TRERF1: variants seen among roughly 807,000 people sequenced by gnomAD.
The protein encoded by TRERF1 is transcriptional regulating factor 1, also known as transcriptional-regulating factor 1.
Under a neutral mutation model 122.9 loss-of-function variants are expected in TRERF1, and 27 were observed. That is an observed-to-expected ratio of 0.22 (90% CI 0.16 to 0.30). The LOEUF is 0.30. Ranked by LOEUF, TRERF1 falls within the 10% of genes least tolerant of loss-of-function variation. TRERF1 has a pLI of 1.00. For synonymous variants in TRERF1, 636 were observed against 641.7 expected, an observed-to-expected ratio of 0.99 and a Z score of 0.13; for missense variants, 1,248 against 1,560.3, an observed-to-expected ratio of 0.80 and a Z score of 3.37.
At chr6:42,313,577 G>T (rs1490931302) in intron 3 of TRERF1, among the ~76,000 whole-genome samples, 1 of 152,144 alleles carries the variant, frequency 6.6e-6, no homozygotes, top group Non-Finnish European at 1.5e-5. Context: ...ATGCAAACGT[G>T]CTCAAGTTGT....
In TRERF1 at chr6:42,275,750, T is replaced by C. The variant is rs1364432180; in HGVS notation, c.-258-5902A>G. On this transcript the variant is annotated intron_variant, in intron 4 of 17. Transcript: ENST00000372922. This position sits in a 1 kb window ranked among gnomAD's most constrained non-coding sequence, Gnocchi z 4.1. The stretch of plus-strand genomic sequence containing the variant: ...GCCCTAAAGCACCAAATTTATGGAG[T>C]GCTGTAGATAATAACAAGGCTCTAC... Among the ~76,000 whole-genome samples, 1 of 152,078 alleles carries C rather than the reference T, an allele frequency of 6.6e-6. No homozygotes were observed. Among genetic ancestry groups the C allele is most frequent in the East Asian group, 1.9e-4 (1 of 5,180 alleles).
At chr6:42,408,210 A>ATATATAT (rs1780474103) in intron 2 of TRERF1, among the ~76,000 whole-genome samples, 2 of 107,142 alleles carry the variant, frequency 1.9e-5, no homozygotes, top group Non-Finnish European at 3.7e-5. Context: ...TATATAAATA[A>ATATATAT]ATATATATAT....
intron 2 of TRERF1, among the ~76,000 whole-genome samples, chr6:42,396,180 T>G (rs1000261518): frequency 1.3e-5 from 2 of 152,150 alleles, no homozygotes; most frequent in Non-Finnish European, 2.9e-5. Context: ...AAAGGAGATG[T>G]AGAGGAAACT....
chr6:42,356,718 G>A (rs1770624139), intron 3 of TRERF1, among the ~76,000 whole-genome samples: 1 of 152,080 alleles, frequency 6.6e-6, no homozygotes, highest in African/African-American at 2.4e-5. Flanking sequence ...GGGATTACAG[G>A]TGCCTGCCAC....
At chr6:42,342,283 G>A (rs1022342390) in intron 3 of TRERF1, among the ~76,000 whole-genome samples, 4 of 152,162 alleles carry the variant, frequency 2.6e-5, no homozygotes, top group Admixed American at 1.3e-4. Flanking sequence ...CATGTCCCAG[G>A]AACTCCCTCA....
Position 42,263,646 on chromosome 6 carries a change from G to T in TRERF1, c.1636-78C>A. On this transcript the variant is annotated intron_variant, in intron 7 of 17. Coordinates refer to ENST00000372922, the Ensembl canonical transcript of TRERF1. This position sits in a 1 kb window ranked among gnomAD's most constrained non-coding sequence, Gnocchi z 5.6. ...GGGATGCACTTTGCTTTTCCCGAAA[G>T]GTTCCAGGACATCAGGTATGGGTGA... is the stretch of plus-strand genomic sequence containing the variant. 1 of 1,403,664 alleles carries T rather than the reference G, an allele frequency of 7.1e-7. No individual in the cohort carries two copies. Among genetic ancestry groups the T allele is most frequent in the South Asian group, 1.9e-5 (1 of 52,578 alleles). 87.0% of individuals were successfully genotyped at this position (1,403,664 alleles called of 1,614,324 possible). A position where few individuals can be genotyped will look rare whatever the true frequency, so the allele number is the denominator to read the frequency against.
intron 4 of TRERF1, among the ~76,000 whole-genome samples, chr6:42,296,273 G>C (rs1335922560): frequency 6.6e-6 from 1 of 152,164 alleles, no homozygotes; most frequent in East Asian, 1.9e-4. Flanking sequence ...AAACACCCCA[G>C]TTCAAAGAAC....
In TRERF1 at chr6:42,259,846, C is replaced by T; in HGVS notation, c.1885-123G>A. On this transcript the variant is annotated intron_variant, in intron 8 of 17. Transcript: ENST00000372922. The surrounding 1 kb of genome is among the most constrained non-coding windows in gnomAD (Gnocchi z 4.9). ...GAGCCCTTCTGCTTGACCCCCCCAC[C>T]CCCAACGCCCCCACATTCTGACCAC... The T allele has an allele frequency of 7.6e-7, 1 of 1,316,068 alleles. No homozygotes were observed. The highest frequency in any genetic ancestry group is 1.0e-6 in the Non-Finnish European group (1 of 970,668). The allele number at this position is 1,316,068 out of a possible 1,614,324, so 81.5% of individuals were successfully genotyped here. A position where few individuals can be genotyped will look rare whatever the true frequency, so the allele number is the denominator to read the frequency against.
At chr6:42,261,182 C>T (rs978484838) in intron 8 of TRERF1, among the ~76,000 whole-genome samples, 1 of 152,178 alleles carries the variant, frequency 6.6e-6, no homozygotes, top group East Asian at 1.9e-4. Flanking sequence ...GTGCCCCCCC[C>T]AAGGGGAGCA....
intron 14 of TRERF1, among the ~76,000 whole-genome samples, chr6:42,245,878 G>A (rs1246315134): frequency 4.6e-5 from 7 of 152,184 alleles, no homozygotes; most frequent in Non-Finnish European, 2.9e-5. Flanking sequence ...GAGGCTGAGG[G>A]AGGTGGATCA....
At chr6:42,243,424 T>A in intron 14 of TRERF1, 63 bp from the exon 15 acceptor site, 1 of 1,150,442 alleles carries the variant, frequency 8.7e-7, no homozygotes, top group South Asian at 1.3e-5. Context: ...GTAGCAAGCA[T>A]TTTTGAATAT....
At chr6:42,434,880 C>T (rs1198393229) in intron 2 of TRERF1, among the ~76,000 whole-genome samples, 2 of 152,102 alleles carry the variant, frequency 1.3e-5, no homozygotes, top group African/African-American at 4.8e-5. Context: ...GTAATCCCAG[C>T]ACTTTGGGAG....
rs1779755681 is a variant in TRERF1, at chr6:42,268,983, T to C, written c.608A>G (p.Gln203Arg). The C allele has an allele frequency of 6.2e-7, 1 of 1,612,294 alleles. No individual in the cohort carries two copies. Among genetic ancestry groups the C allele is most frequent in the Non-Finnish European group, 8.5e-7 (1 of 1,178,752 alleles). Residue 203 changes from glutamine to arginine, a missense_variant, in exon 5 of 18, where the codon CAG becomes CGG. This residue lies in a region of TRERF1 where 946 missense variants were observed against 1,073.0 expected (regional missense o/e 0.88). Coordinates refer to ENST00000372922, the Ensembl canonical transcript of TRERF1. This position sits in a 1 kb window ranked among gnomAD's most constrained non-coding sequence, Gnocchi z 4.4. ...ACCAGGGTGAGGCTGCTGGGGCACC[T>C]GCTGGTAGCGGGAAGGGATAGCCGG...
chr6:42,410,265 C>T (rs1433958245), intron 2 of TRERF1, among the ~76,000 whole-genome samples: 1 of 152,128 alleles, frequency 6.6e-6, no homozygotes, highest in East Asian at 1.9e-4. Flanking sequence ...CATGCGATTC[C>T]TCCCAAATAG....
chr6:42,379,119 CAAA>C (rs201333864), intron 2 of TRERF1, among the ~76,000 whole-genome samples: 20 of 151,646 alleles, frequency 1.3e-4, no homozygotes, highest in African/African-American at 4.8e-4. Flanking sequence ...GGGCTTGTCT[CAAA>C]AAAAAATTTT....
intron 2 of TRERF1, among the ~76,000 whole-genome samples, chr6:42,381,928 T>G (rs1302079582): frequency 6.6e-6 from 1 of 150,594 alleles, no homozygotes; most frequent in African/African-American, 2.4e-5. Context: ...GAACTGCCAA[T>G]GGCTGAAACC....
intron 15 of TRERF1, among the ~76,000 whole-genome samples, chr6:42,236,761 T>G (rs1562114599): frequency 6.6e-6 from 1 of 152,214 alleles, no homozygotes; most frequent in African/African-American, 2.4e-5. Context: ...TCAGGCTGCG[T>G]CCTGCCTGTA....
rs764060832 is a variant in TRERF1, at chr6:42,259,655, C to G, written c.1953G>C (p.Lys651Asn). Residue 651 changes from lysine to asparagine, a missense_variant, in exon 9 of 18, where the codon AAG (lysine) becomes AAC (asparagine). Transcript: ENST00000372922. This position sits in a 1 kb window ranked among gnomAD's most constrained non-coding sequence, Gnocchi z 4.9. ...GTTCCGGCCGGTGCCGGAACTTTTT[C>G]TTCTCCTGCACGGTCTTGAGGGGCT... 1.2e-6 allele frequency: 2 copies of G among 1,611,996 alleles called. No individual in the cohort carries two copies. The highest frequency in any genetic ancestry group is 4.5e-5 in the East Asian group (2 of 44,870).
chr6:42,301,267 T>C (rs1786132000), intron 3 of TRERF1, among the ~76,000 whole-genome samples: 1 of 152,220 alleles, frequency 6.6e-6, no homozygotes, highest in African/African-American at 2.4e-5. Context: ...TCTCACTCTG[T>C]TGCCCAGGCT....
Sources: gnomAD v4.1 joint callset for allele counts (sites outside exome capture counted in the v4.1 genomes callset) on GRCh38, gnomAD v4.1.1 for gene constraint, gnomAD v4.1.1 regional missense constraint, Gnocchi (gnomAD v3.1) non-coding constraint, MANE v1.5 for transcripts, NCBI Gene and HGNC (gene_info 2026-07-23, HGNC 2026-07-21) for gene names.